The following CUX1 variants were observed in gnomAD, a reference collection of about 807,000 sequenced individuals.
The protein encoded by CUX1 is cut like homeobox 1, also known as protein CASP.
In CUX1, 31 loss-of-function variants were observed where a neutral mutation model predicts 158.8. The ratio of observed to expected loss-of-function variants is 0.20; its 90% confidence interval spans 0.15 to 0.26. The LOEUF (loss-of-function observed/expected upper bound fraction) is 0.26. CUX1 is among the 10% of genes least tolerant of loss of function. CUX1 has a pLI of 1.00. For synonymous variants in CUX1, 879 were observed against 862.1 expected, an observed-to-expected ratio of 1.02 and a Z score of -0.34; for missense variants, 1,589 against 2,014.6, an observed-to-expected ratio of 0.79 and a Z score of 4.04.
intron 20 of CUX1, 142 bp from the exon 21 acceptor site, chr7:102,227,225 A>C: frequency 1.4e-6 from 1 of 706,978 alleles, no homozygotes; most frequent in Non-Finnish European, 2.4e-6. Context: ...AATATGAAAC[A>C]GTTCACTAAG....
At chr7:101,822,183 C>G (rs1792726457) in intron 1 of CUX1, 1 of 152,052 alleles carries the variant, frequency 6.6e-6, no homozygotes, top group Admixed American at 6.6e-5. Flanking sequence ...ATGGCAGGGC[C>G]CTCTGGATTG....
At chr7:102,261,752 G>C (rs556373165), downstream of CUX1, among the ~76,000 whole-genome samples, 1 of 152,186 alleles carries the variant, frequency 6.6e-6, no homozygotes, top group South Asian at 2.1e-4. Flanking sequence ...CGATGCTCAG[G>C]AAATCTTTGA....
At chr7:102,266,096 C>T (rs1394597029) in intron 14 of CUX1, among the ~76,000 whole-genome samples, 1 of 150,354 alleles carries the variant, frequency 6.7e-6, no homozygotes, top group African/African-American at 2.4e-5. Context: ...CCCAGCTGCT[C>T]GGGAGGCTGA....
chr7:102,035,126 T>G (rs1399082690), intron 3 of CUX1, among the ~76,000 whole-genome samples: 1 of 148,906 alleles, frequency 6.7e-6, no homozygotes, highest in African/African-American at 2.5e-5. Flanking sequence ...CAAGAATACC[T>G]ACTATTGCTA....
chr7:102,224,767 G>C (rs1196536910), intron 20 of CUX1, among the ~76,000 whole-genome samples: 2 of 152,190 alleles, frequency 1.3e-5, no homozygotes, highest in Non-Finnish European at 2.9e-5. Context: ...GTTTCGTGGT[G>C]GCTCTGCCTC....
chr7:102,198,233 C>G (rs1181627236), intron 15 of CUX1, among the ~76,000 whole-genome samples: 1 of 152,106 alleles, frequency 6.6e-6, no homozygotes, highest in Non-Finnish European at 1.5e-5. Context: ...GCACTCCAGT[C>G]TGGGCAACAG....
At chr7:101,995,921 T>A (rs2129258569) in intron 2 of CUX1, among the ~76,000 whole-genome samples, 1 of 152,242 alleles carries the variant, frequency 6.6e-6, no homozygotes, top group Non-Finnish European at 1.5e-5. Context: ...AAGACCAGCC[T>A]GGGTAAAATG....
At chr7:101,842,462 A>C (rs1324663284) in intron 1 of CUX1, among the ~76,000 whole-genome samples, 2 of 152,154 alleles carry the variant, frequency 1.3e-5, no homozygotes, top group African/African-American at 2.4e-5. Flanking sequence ...ATCTCTGCTC[A>C]CTGCAACCTC....
intron 15 of CUX1, chr7:102,273,587 A>T (rs1791390669): frequency 6.7e-7 from 1 of 1,482,196 alleles, no homozygotes; most frequent in Non-Finnish European, 9.1e-7. Flanking sequence ...CCTGTGTATC[A>T]GGCAGCTGGT....
In CUX1 at chr7:102,256,314, GA is replaced by G. The variant is rs1205905972; in HGVS notation, c.*7282del. 1.5e-4 allele frequency: 149 copies of G among 961,834 alleles called. 1 individual carries two copies. Among genetic ancestry groups the G allele is most frequent in the African/African-American group, 4.1e-4 (23 of 56,318 alleles). The allele number at this position is 961,834 out of a possible 1,614,324, so 59.6% of individuals were successfully genotyped here. A position where few individuals can be genotyped will look rare whatever the true frequency, so the allele number is the denominator to read the frequency against. ...TGATTATAAAAGGATGTTTCCTTGA[GA>G]AAAAAAAAATTATTTCTATCCTCTT... On this transcript the variant is annotated 3_prime_UTR_variant, in exon 24 of 24. Coordinates refer to ENST00000292535, the MANE Select transcript of CUX1 (RefSeq NM_181552.4).
chr7:102,190,470 C>T (rs903823988), intron 12 of CUX1, among the ~76,000 whole-genome samples: 2 of 152,168 alleles, frequency 1.3e-5, no homozygotes, highest in Non-Finnish European at 2.9e-5. Context: ...CTGGTCTTTA[C>T]CTGTCCCCCC....
intron 2 of CUX1, among the ~76,000 whole-genome samples, chr7:101,983,956 C>A (rs1813824673): frequency 6.6e-6 from 1 of 150,480 alleles, no homozygotes. Flanking sequence ...ATCGCTTGAA[C>A]CCGGGAGGCA....
chr7:102,263,522 T>C (rs1790569947), intron 14 of CUX1, among the ~76,000 whole-genome samples: 1 of 151,750 alleles, frequency 6.6e-6, no homozygotes, highest in South Asian at 2.1e-4. Flanking sequence ...CATCATGTTG[T>C]CCATTCTGGT....
At chr7:101,894,336 C>T (rs1385613963) in intron 1 of CUX1, among the ~76,000 whole-genome samples, 7 of 152,196 alleles carry the variant, frequency 4.6e-5, no homozygotes, top group Non-Finnish European at 8.8e-5. Context: ...TTTTTTGAGA[C>T]GGAGTCTCGC....
At chr7:101,941,808 G>A (rs1585045615) in intron 2 of CUX1, among the ~76,000 whole-genome samples, 1 of 152,164 alleles carries the variant, frequency 6.6e-6, no homozygotes, top group African/African-American at 2.4e-5. Flanking sequence ...GCCTTTGGAC[G>A]CACGGGTTAT....
chr7:101,820,788 G>T (rs1348689158), intron 1 of CUX1, among the ~76,000 whole-genome samples: 1 of 152,228 alleles, frequency 6.6e-6, no homozygotes, highest in Admixed American at 6.5e-5. Context: ...TAGCAAGCGA[G>T]TGTAGCTTAA....
intron 12 of CUX1, among the ~76,000 whole-genome samples, chr7:102,190,951 C>T (rs1794205885): frequency 6.6e-6 from 1 of 152,152 alleles, no homozygotes; most frequent in South Asian, 2.1e-4. Context: ...TGAGCCTACA[C>T]CCACTCACCA....
chr7:102,280,807 C>T (rs562399614), exon 20 of CUX1: 23 of 1,612,782 alleles, frequency 1.4e-5, no homozygotes, highest in African/African-American at 2.7e-5. Context: ...TGTGCAGGAG[C>T]GGCAGAGGAA....
chr7:102,123,713 A>G (rs1832315545), intron 8 of CUX1, among the ~76,000 whole-genome samples: 1 of 151,750 alleles, frequency 6.6e-6, no homozygotes, highest in Non-Finnish European at 1.5e-5. Context: ...CCCAGGCTAG[A>G]GTACAGTGAT....
Sources: gnomAD v4.1 joint callset for allele counts (sites outside exome capture counted in the v4.1 genomes callset) on GRCh38, gnomAD v4.1.1 for gene constraint, MANE v1.5 for transcripts, NCBI Gene and HGNC (gene_info 2026-07-23, HGNC 2026-07-21) for gene names.